MARCHF6: variants seen among roughly 807,000 people sequenced by gnomAD.
MARCHF6 encodes membrane associated ring-CH-type finger 6.
In MARCHF6, 31 loss-of-function variants were observed where a neutral mutation model predicts 133.7. That is an observed-to-expected ratio of 0.23 (90% CI 0.17 to 0.31). MARCHF6 has a LOEUF of 0.31. MARCHF6 is among the 10% of genes least tolerant of loss of function. The pLI is 1.00. For missense variants in MARCHF6, 723 were observed against 1,121.6 expected (o/e 0.64, Z 5.08); for synonymous variants, 395 against 402.5 (o/e 0.98, Z 0.22).
chr5:10,433,199 C>G (rs576449203), intron 25 of MARCHF6, among the ~76,000 whole-genome samples: 1 of 152,186 alleles, frequency 6.6e-6, no homozygotes, highest in Admixed American at 6.5e-5. Flanking sequence ...CCCTTCCTAG[C>G]TTTCTGATGG....
chr5:10,396,585 C>G (rs1738204274), intron 9 of MARCHF6, among the ~76,000 whole-genome samples: 1 of 152,216 alleles, frequency 6.6e-6, no homozygotes, highest in East Asian at 1.9e-4. Flanking sequence ...GATCATTTAA[C>G]TTGATGGTTG....
intron 1 of MARCHF6, among the ~76,000 whole-genome samples, chr5:10,375,606 AG>A (rs1736730043): frequency 6.6e-6 from 1 of 152,248 alleles, no homozygotes; most frequent in African/African-American, 2.4e-5. Context: ...CACTAGGTGA[AG>A]CCAGCTGGGC....
At chr5:10,408,311 A>G (rs538655360) in intron 17 of MARCHF6, among the ~76,000 whole-genome samples, 1 of 152,256 alleles carries the variant, frequency 6.6e-6, no homozygotes, top group South Asian at 2.1e-4. Context: ...TGATATATAC[A>G]CCATTTAGAA....
At chr5:10,398,509 T>C (rs1490221152) in intron 10 of MARCHF6, among the ~76,000 whole-genome samples, 3 of 151,968 alleles carry the variant, frequency 2.0e-5, no homozygotes, top group Non-Finnish European at 2.9e-5. Context: ...GGGGTGTCTG[T>C]ATGTTATCCT....
At chr5:10,357,966 CTTTTTTTT>C (rs34017407) in intron 1 of MARCHF6, among the ~76,000 whole-genome samples, 1 of 108,520 alleles carries the variant, frequency 9.2e-6, no homozygotes, top group Non-Finnish European at 2.0e-5. Flanking sequence ...GCATGGGTTG[CTTTTTTTT>C]TTTTTTTTTT....
At chr5:10,354,180 C>T (rs1735295112) in intron 1 of MARCHF6, among the ~76,000 whole-genome samples, 1 of 152,054 alleles carries the variant, frequency 6.6e-6, no homozygotes, top group South Asian at 2.1e-4. Context: ...GGGGCTACTG[C>T]AGGCCGGCGT....
intron 19 of MARCHF6, among the ~76,000 whole-genome samples, chr5:10,412,120 C>T (rs921702754): frequency 2.0e-5 from 3 of 152,180 alleles, no homozygotes; most frequent in African/African-American, 7.2e-5. Context: ...AAAACTTGGG[C>T]AGGTTATTTA....
intron 1 of MARCHF6, among the ~76,000 whole-genome samples, chr5:10,373,913 G>A (rs1209572484): frequency 6.6e-6 from 1 of 152,098 alleles, no homozygotes; most frequent in South Asian, 2.1e-4. Flanking sequence ...GTTATTGTAG[G>A]ACTGATCCGC....
intron 9 of MARCHF6, 41 bp downstream of exon 9, chr5:10,394,826 A>T (rs777618737): frequency 1.4e-5 from 18 of 1,285,302 alleles, no homozygotes; most frequent in Admixed American, 2.1e-5. Context: ...TTGAGACGGA[A>T]TCTCACTCTG....
At chr5:10,384,249 A>G (rs926034201) in intron 4 of MARCHF6, among the ~76,000 whole-genome samples, 8 of 152,358 alleles carry the variant, frequency 5.3e-5, no homozygotes, top group South Asian at 2.1e-4. Context: ...TAAATTGAAC[A>G]TAATTAAAGT....
chr5:10,426,551 A>G (rs765528260), intron 24 of MARCHF6, 29 bp downstream of exon 24: 5 of 1,611,210 alleles, frequency 3.1e-6, no homozygotes, highest in Non-Finnish European at 4.2e-6. Flanking sequence ...GGAGCCTTGA[A>G]GGAGCACTTT....
chr5:10,400,493 G>A (rs1468210800), intron 10 of MARCHF6, among the ~76,000 whole-genome samples: 1 of 152,052 alleles, frequency 6.6e-6, no homozygotes, highest in Non-Finnish European at 1.5e-5. Flanking sequence ...ATTTGTGTAT[G>A]TTCAGTGTTT....
chr5:10,373,149 A>G (rs1208579001), intron 1 of MARCHF6, among the ~76,000 whole-genome samples: 1 of 152,100 alleles, frequency 6.6e-6, no homozygotes, highest in African/African-American at 2.4e-5. Context: ...TCTGAGTGAG[A>G]AACTTGGGAT....
chr5:10,406,158 A>T (rs1738875939), intron 16 of MARCHF6, among the ~76,000 whole-genome samples: 1 of 152,204 alleles, frequency 6.6e-6, no homozygotes, highest in South Asian at 2.1e-4. Context: ...GAAGCAGAAC[A>T]GTTTCATCCT....
intron 25 of MARCHF6, among the ~76,000 whole-genome samples, chr5:10,430,305 GT>G (rs576172086): frequency 1.2e-3 from 154 of 133,518 alleles, no homozygotes; most frequent in East Asian, 4.9e-3. Context: ...TTTGGTGGTG[GT>G]TTTTTTTTTT....
intron 22 of MARCHF6, among the ~76,000 whole-genome samples, chr5:10,419,842 A>G (rs1262171089): frequency 1.3e-5 from 2 of 152,200 alleles, no homozygotes; most frequent in African/African-American, 2.4e-5. Flanking sequence ...TTTTGTCCAT[A>G]GAGTCTGTGG....
At chr5:10,394,188 A>G (rs1431493534) in intron 8 of MARCHF6, 45 bp downstream of exon 8, 4 of 1,278,722 alleles carry the variant, frequency 3.1e-6, no homozygotes, top group South Asian at 1.5e-5. Context: ...TAATCCTAAA[A>G]TATATTTTAA....
chr5:10,430,295 T>G (rs1185441105), intron 25 of MARCHF6, among the ~76,000 whole-genome samples: 2 of 149,780 alleles, frequency 1.3e-5, no homozygotes, highest in Non-Finnish European at 3.0e-5. Flanking sequence ...GTTTTTTTTT[T>G]TTGGTGGTGG....
At chr5:10,363,303 A>G (rs1735936829) in intron 1 of MARCHF6, among the ~76,000 whole-genome samples, 1 of 152,234 alleles carries the variant, frequency 6.6e-6, no homozygotes, top group Non-Finnish European at 1.5e-5. Context: ...AAAAATTCTC[A>G]GAACTCAGTA....
Sources: gnomAD v4.1 joint callset for allele counts (sites outside exome capture counted in the v4.1 genomes callset) on GRCh38, gnomAD v4.1.1 for gene constraint, MANE v1.5 for transcripts, NCBI Gene and HGNC (gene_info 2026-07-23, HGNC 2026-07-21) for gene names.